Variants in CD99L2 observed in about 807,000 individuals in gnomAD.
CD99L2 encodes CD99 molecule like 2, also known as CD99 antigen-like protein 2.
Under a neutral mutation model 27.3 loss-of-function variants are expected in CD99L2, and 24 were observed. That is an observed-to-expected ratio of 0.88 (90% confidence interval 0.64 to 1.24). The LOEUF (loss-of-function observed/expected upper bound fraction) is 1.24. Among genes scored for constraint, CD99L2 ranks in the 50% most tolerant of loss-of-function variants. The pLI is 0.00. For synonymous variants in CD99L2, 97 were observed against 87.9 expected (o/e 1.10, Z -0.58); for missense variants, 255 against 221.6 (o/e 1.15, Z -0.96).
At position 150,872,200 on chromosome X, in the gene CD99L2, T is replaced by C. The variant is rs149152582; in HGVS notation, c.67+26322A>G. ...GAGCTGTGATTGTGCCACTGTACTC[T>C]AGCCTGGGTGACAGAGTGAGACCCT... is the stretch of plus-strand genomic sequence containing the variant. On this transcript the variant is annotated intron_variant, in intron 1 of 10. Transcript: ENST00000370377. Among the ~76,000 whole-genome samples the C allele has an allele frequency of 5.1e-3, 565 of 110,605 alleles. 7 individuals carry two copies. The highest frequency in any genetic ancestry group is 0.014 in the Middle Eastern group (3 of 218).
chrX:150,777,745 C>G (rs971786937), intron 7 of CD99L2, among the ~76,000 whole-genome samples: 1 of 111,910 alleles, frequency 8.9e-6, no homozygotes, highest in East Asian at 2.8e-4. Flanking sequence ...CCTCACATGC[C>G]GGGCTCTTTA....
chrX:150,779,026 T>C (rs781917491), intron 7 of CD99L2, among the ~76,000 whole-genome samples: 9 of 111,322 alleles, frequency 8.1e-5, no homozygotes, highest in Non-Finnish European at 1.3e-4. Context: ...TAGACTTCCA[T>C]TTTTCTGGAC....
intron 2 of CD99L2, 78 bp downstream of exon 2, chrX:150,831,153 T>C: frequency 1.3e-6 from 1 of 792,782 alleles, no homozygotes; most frequent in Non-Finnish European, 1.9e-6. Context: ...TCATTTTTCT[T>C]GCGCATATAT....
intron 1 of CD99L2, among the ~76,000 whole-genome samples, chrX:150,843,830 A>G (rs1262336327): frequency 9.0e-6 from 1 of 111,004 alleles, no homozygotes; most frequent in Non-Finnish European, 1.9e-5. Flanking sequence ...TTTGTCCAGG[A>G]AAGCCAGGAC....
At position 150,777,749 on chromosome X, in the gene CD99L2, C is replaced by G. The variant is rs1352861528; in HGVS notation, c.497-267G>C. Among the ~76,000 whole-genome samples the G allele has an allele frequency of 2.7e-5, 3 of 111,956 alleles. No homozygotes were observed. The East Asian group carries it at 8.5e-4, about 32-fold the overall frequency. ...CCCTGAGCATGCCTCACATGCCGGGCTCTTTAGACACAGTATTCTATTTCA... is the reference window on the plus strand; with the variant it reads ...CCCTGAGCATGCCTCACATGCCGGGGTCTTTAGACACAGTATTCTATTTCA... On this transcript the variant is annotated intron_variant, in intron 7 of 10. Coordinates refer to ENST00000370377, the MANE Select transcript of CD99L2 (RefSeq NM_031462.4).
intron 1 of CD99L2, among the ~76,000 whole-genome samples, chrX:150,845,450 A>T (rs782088337): frequency 3.0e-4 from 34 of 111,716 alleles, no homozygotes; most frequent in African/African-American, 1.0e-3. Flanking sequence ...TCAGTTTTTT[A>T]AAAATGGTGT....
At chrX:150,811,339 G>A (rs782276567) in intron 4 of CD99L2, among the ~76,000 whole-genome samples, 25 of 110,443 alleles carry the variant, frequency 2.3e-4, no homozygotes, top group Admixed American at 8.7e-4. Flanking sequence ...AAGGTGTAGA[G>A]CATCAAAAAT....
chrX:150,769,643 G>A lies in CD99L2; in HGVS notation c.722-542C>T, dbSNP rs781922109. 4.6e-5 allele frequency among the ~76,000 whole-genome samples: 5 copies of A among 108,718 alleles called. No individual in the cohort carries two copies. The East Asian group carries it at 1.4e-3, about 31-fold the overall frequency. The allele number at this position is 108,718 out of a possible 115,157, so 94.4% of individuals were successfully genotyped here. On this transcript the variant is annotated intron_variant, in intron 10 of 10. Transcript: ENST00000370377. ...CGGCTGCTGCACTGTAGTTCCACTGGCAACACTCGCCTGAGCTGTCCTAGT... is the reference window on the plus strand; with the variant it reads ...CGGCTGCTGCACTGTAGTTCCACTGACAACACTCGCCTGAGCTGTCCTAGT...
chrX:150,790,925 T>G (rs1393195921), intron 7 of CD99L2, among the ~76,000 whole-genome samples: 1 of 111,684 alleles, frequency 9.0e-6, no homozygotes, highest in Non-Finnish European at 1.9e-5. Context: ...TGTGATGATA[T>G]TAGGAGGTGG....
intron 1 of CD99L2, among the ~76,000 whole-genome samples, chrX:150,895,850 ACT>A (rs1377895037): frequency 9.2e-6 from 1 of 108,655 alleles, no homozygotes; most frequent in African/African-American, 3.4e-5. Flanking sequence ...ACATGGTGAA[ACT>A]CTGTCTGTAC....
chrX:150,795,571 T>A (rs1344835013), intron 4 of CD99L2, 85 bp from the exon 5 acceptor site: 19 of 936,514 alleles, frequency 2.0e-5, no homozygotes, highest in Admixed American at 4.7e-5. Context: ...AGTCACATCA[T>A]GAATATTCTT....
chrX:150,777,742 TGCCGGGC>T (rs1279277741), intron 7 of CD99L2, among the ~76,000 whole-genome samples: 1 of 112,149 alleles, frequency 8.9e-6, no homozygotes, highest in East Asian at 2.8e-4. Flanking sequence ...ATGCCTCACA[TGCCGGGC>T]TCTTTAGACA....
intron 1 of CD99L2, among the ~76,000 whole-genome samples, chrX:150,875,496 G>C (rs912757932): frequency 4.5e-5 from 5 of 111,641 alleles, no homozygotes; most frequent in African/African-American, 1.6e-4. Flanking sequence ...CCTTTTATAA[G>C]AGTACCTACC....
intron 1 of CD99L2, among the ~76,000 whole-genome samples, chrX:150,846,295 G>T (rs1311886453): frequency 8.9e-6 from 1 of 112,286 alleles, no homozygotes; most frequent in Non-Finnish European, 1.9e-5. Flanking sequence ...TGGGGCCAAG[G>T]TTTCCAAACT....
intron 1 of CD99L2, 79 bp from the exon 2 acceptor site, chrX:150,831,372 T>C: frequency 1.2e-6 from 1 of 846,955 alleles, no homozygotes; most frequent in African/African-American, 2.0e-5. Flanking sequence ...AATGGTCATT[T>C]CCCTTTAGAA....
chrX:150,815,678 C>T (rs2046142607), intron 3 of CD99L2, among the ~76,000 whole-genome samples: 1 of 112,213 alleles, frequency 8.9e-6, no homozygotes, highest in African/African-American at 3.2e-5. Context: ...TTCCATCTGC[C>T]TAAAGAAAAT....
chrX:150,788,958 T>C (rs2045641254), intron 7 of CD99L2, among the ~76,000 whole-genome samples: 1 of 111,848 alleles, frequency 8.9e-6, no homozygotes, highest in South Asian at 3.7e-4. Context: ...TTCTAACAGG[T>C]GCATAGTGGT....
intron 1 of CD99L2, among the ~76,000 whole-genome samples, chrX:150,859,156 G>C (rs1456709404): frequency 1.8e-5 from 2 of 111,884 alleles, no homozygotes; most frequent in African/African-American, 3.2e-5. Flanking sequence ...GAATCAGGAA[G>C]AAATAGAAAA....
intron 1 of CD99L2, among the ~76,000 whole-genome samples, chrX:150,875,157 G>A (rs1012447336): frequency 8.9e-6 from 1 of 111,767 alleles, no homozygotes; most frequent in South Asian, 3.7e-4. Context: ...AATTCCTAAA[G>A]CATTATATTA....
Sources: allele counts gnomAD v4.1 joint callset (sites outside exome capture counted in the v4.1 genomes callset), GRCh38; gene constraint gnomAD v4.1.1; transcripts MANE v1.5; gene names NCBI Gene and HGNC (gene_info 2026-07-23, HGNC 2026-07-21).